LPCAT1: variants seen among roughly 807,000 people sequenced by gnomAD.
The protein encoded by LPCAT1 is lysophosphatidylcholine acyltransferase 1.
Under a neutral mutation model 60.9 loss-of-function variants are expected in LPCAT1, and 23 were observed. That is an observed-to-expected ratio of 0.38 (90% CI 0.27 to 0.53). The LOEUF is 0.53. Among genes scored for constraint, LPCAT1 ranks in the 20% least tolerant of loss-of-function variants. The pLI, the probability that LPCAT1 is intolerant of heterozygous loss-of-function variation, is 0.82. For synonymous variants in LPCAT1, 340 were observed against 301.1 expected (o/e 1.13, Z -1.34); for missense variants, 622 against 723.6 (o/e 0.86, Z 1.61).
chr5:1,491,855 T>C (rs1471142085), intron 3 of LPCAT1, among the ~76,000 whole-genome samples: 1 of 152,252 alleles, frequency 6.6e-6, no homozygotes, highest in Non-Finnish European at 1.5e-5. Flanking sequence ...TTGGTATTCA[T>C]ACATCTAAAA....
intron 3 of LPCAT1, 80 bp downstream of exon 3, chr5:1,494,620 C>T (rs1317026573): frequency 1.5e-6 from 2 of 1,336,436 alleles, no homozygotes; most frequent in South Asian, 1.2e-5. Flanking sequence ...GGAGGGGAAT[C>T]TCTTATTCTC....
intron 1 of LPCAT1, among the ~76,000 whole-genome samples, chr5:1,503,781 C>G (rs899510322): frequency 1.4e-5 from 2 of 146,500 alleles, no homozygotes; most frequent in African/African-American, 5.4e-5. Flanking sequence ...GGGGAAGTCT[C>G]TTCCTGGAAG....
At chr5:1,507,133 C>T (rs1244079637) in intron 1 of LPCAT1, among the ~76,000 whole-genome samples, 6 of 152,160 alleles carry the variant, frequency 3.9e-5, no homozygotes, top group South Asian at 2.1e-4. Flanking sequence ...GAGGAGAACA[C>T]GGACCACGCT....
intron 3 of LPCAT1, among the ~76,000 whole-genome samples, chr5:1,494,148 T>TG (rs58128603): frequency 0.51 from 76,884 of 152,074 alleles, 20,535 homozygotes; most frequent in African/African-American, 0.69. Flanking sequence ...CTCAGGTCCC[T>TG]GGTTCACGGC....
At position 1,476,506 on chromosome 5, in the gene LPCAT1, G is replaced by A. The variant is rs1402825470; in HGVS notation, c.899+898C>T. On this transcript the variant is annotated intron_variant, in intron 9 of 13. Transcript: ENST00000283415. This position sits in a 1 kb window ranked among gnomAD's most constrained non-coding sequence, Gnocchi z 8.6. ...CTCTGATGGGCCCGGCCGTGGCTGTGTTCCCCTCTGGGCTCTCTGGAGAGG... is the reference window on the plus strand; with the variant it reads ...CTCTGATGGGCCCGGCCGTGGCTGTATTCCCCTCTGGGCTCTCTGGAGAGG... Among the ~76,000 whole-genome samples, 2 of 152,138 alleles carry A rather than the reference G, an allele frequency of 1.3e-5. No individual in the cohort carries two copies. Among genetic ancestry groups the A allele is most frequent in the African/African-American group, 4.8e-5 (2 of 41,414 alleles).
intron 2 of LPCAT1, 26 bp downstream of exon 2, chr5:1,501,435 G>C (rs766724996): frequency 6.3e-7 from 1 of 1,590,130 alleles, no homozygotes; most frequent in Admixed American, 1.8e-5. Context: ...CCCCCAGGAG[G>C]AGAGCACGGC....
intron 1 of LPCAT1, among the ~76,000 whole-genome samples, chr5:1,519,630 A>C (rs1209273964): frequency 6.6e-6 from 1 of 152,204 alleles, no homozygotes; most frequent in Non-Finnish European, 1.5e-5. Flanking sequence ...CCTGCCTGGG[A>C]GACGGCACAG....
chr5:1,486,601 G>T (rs927215052), intron 5 of LPCAT1, among the ~76,000 whole-genome samples: 6 of 152,130 alleles, frequency 3.9e-5, no homozygotes, highest in African/African-American at 1.4e-4. Flanking sequence ...CAGGTTGTGG[G>T]TGCCTCTGTT....
intron 3 of LPCAT1, 112 bp downstream of exon 3, chr5:1,494,588 G>T: frequency 9.8e-7 from 1 of 1,020,018 alleles, no homozygotes; most frequent in Non-Finnish European, 1.5e-6. Context: ...TCCCAACAGA[G>T]GGGGGACCCT....
chr5:1,494,201 G>C (rs949050053), intron 3 of LPCAT1, among the ~76,000 whole-genome samples: 2 of 152,218 alleles, frequency 1.3e-5, no homozygotes, highest in African/African-American at 4.8e-5. Context: ...TGCTCCCAAA[G>C]ACTTCCAGAA....
At chr5:1,471,963 A>AG (rs1468694024) in intron 11 of LPCAT1, among the ~76,000 whole-genome samples, 1 of 18,082 alleles carries the variant, frequency 5.5e-5, no homozygotes, top group African/African-American at 4.4e-4. Flanking sequence ...AGCACCCAGG[A>AG]CAGGGGGAGG....
In LPCAT1 at chr5:1,496,312, G is replaced by C. The variant is rs921425242; in HGVS notation, c.279-1398C>G. ...AGGGGCGGAGGTTGCAGTGAGCCGAGATTGCGCCACTGCACTCCAGCCTGG... is the reference window on the plus strand; with the variant it reads ...AGGGGCGGAGGTTGCAGTGAGCCGACATTGCGCCACTGCACTCCAGCCTGG... On this transcript the variant is annotated intron_variant, in intron 2 of 13. Transcript: ENST00000283415. The surrounding 1 kb of genome is among the most constrained non-coding windows in gnomAD (Gnocchi z 4.7). Among the ~76,000 whole-genome samples, 1 of 151,840 alleles carries C rather than the reference G, an allele frequency of 6.6e-6. No homozygotes were observed. Among genetic ancestry groups the C allele is most frequent in the Non-Finnish European group, 1.5e-5 (1 of 67,972 alleles).
intron 3 of LPCAT1, among the ~76,000 whole-genome samples, chr5:1,491,498 G>C (rs1216259520): frequency 2.0e-5 from 3 of 151,854 alleles, no homozygotes; most frequent in East Asian, 1.9e-4. Flanking sequence ...GGGTAAATGT[G>C]GGGGGTGCAG....
At chr5:1,472,876 G>A (rs1734741244) in intron 11 of LPCAT1, among the ~76,000 whole-genome samples, 1 of 152,124 alleles carries the variant, frequency 6.6e-6, no homozygotes, top group Non-Finnish European at 1.5e-5. Context: ...CCGTGGCTGG[G>A]GGCCCCTCTG....
At chr5:1,468,687 G>A (rs1397923205) in intron 12 of LPCAT1, among the ~76,000 whole-genome samples, 1 of 152,202 alleles carries the variant, frequency 6.6e-6, no homozygotes, top group Non-Finnish European at 1.5e-5. Flanking sequence ...TAATGATAAC[G>A]AAAAAGAACA....
Position 1,470,852 on chromosome 5 carries a change from G to A in LPCAT1, c.1252C>T (p.Leu418=). 2 of 1,613,744 alleles carry A rather than the reference G, an allele frequency of 1.2e-6. No homozygotes were observed. Among genetic ancestry groups the A allele is most frequent in the African/African-American group, 1.3e-5 (1 of 75,054 alleles). ...TTGAAAGCCAGCTGGATGGTGTCCA[G>A]GGTCCGGGCCGGCCGGCAGACGACA... ...LSVVCRPART[L]DTIQLAFKMY... Residue 418 remains leucine (L), a synonymous_variant, in exon 12 of 14, where the codon CTG becomes TTG. Transcript: ENST00000283415.
Position 1,463,744 on chromosome 5 carries a change from G to C in LPCAT1, c.1512C>G (p.Thr504=). ...AGCCGTTTGGGATTGGCGCAGGTGA[G>C]GTCTCTGCACAGCTTTCGAAATGTG... is the stretch of plus-strand genomic sequence containing the variant. ...DQTHFESCAE[T]SPAPIPNGFC... Residue 504 remains threonine, a synonymous_variant, in exon 14 of 14, where the codon ACC becomes ACG. Transcript: ENST00000283415. 1 of 1,614,262 alleles carries C rather than the reference G, an allele frequency of 6.2e-7. No homozygotes were observed.
At chr5:1,471,097 A>C (rs1310314098) in intron 11 of LPCAT1, among the ~76,000 whole-genome samples, 173 bp from the exon 12 acceptor site, 2 of 152,218 alleles carry the variant, frequency 1.3e-5, no homozygotes, top group Non-Finnish European at 2.9e-5. Flanking sequence ...GGGTTCTCCA[A>C]GGTCACTGTG....
chr5:1,510,483 TC>T (rs1477171415), intron 1 of LPCAT1, among the ~76,000 whole-genome samples: 1 of 152,190 alleles, frequency 6.6e-6, no homozygotes, highest in Non-Finnish European at 1.5e-5. Context: ...GGCCCCGCAG[TC>T]CCACAGCACA....
Sources: gnomAD v4.1 joint callset for allele counts (sites outside exome capture counted in the v4.1 genomes callset) on GRCh38, gnomAD v4.1.1 for gene constraint, Gnocchi (gnomAD v3.1) non-coding constraint, MANE v1.5 for transcripts, NCBI Gene and HGNC (gene_info 2026-07-23, HGNC 2026-07-21) for gene names.